CACNA2D3: variants seen among roughly 807,000 people sequenced by gnomAD.
The protein encoded by CACNA2D3 is calcium voltage-gated channel auxiliary subunit alpha2delta 3, also known as voltage-dependent calcium channel subunit alpha-2/delta-3.
Under a neutral mutation model 160.6 loss-of-function variants are expected in CACNA2D3, and 60 were observed. That is an observed-to-expected ratio of 0.37 (90% CI 0.30 to 0.46). CACNA2D3 has a LOEUF of 0.46. Ranked by LOEUF, CACNA2D3 falls within the 20% of genes least tolerant of loss-of-function variation. The probability of loss-of-function intolerance (pLI) is 1.00; values close to 1 mark genes in which losing one functional copy is unlikely to be tolerated. For missense variants in CACNA2D3, 1,205 were observed against 1,365.0 expected (o/e 0.88, Z 1.85); for synonymous variants, 558 against 492.9 (o/e 1.13, Z -1.75).
chr3:54,883,670 T>A (rs1699853946), intron 21 of CACNA2D3, among the ~76,000 whole-genome samples: 1 of 152,146 alleles, frequency 6.6e-6, no homozygotes, highest in Non-Finnish European at 1.5e-5. Flanking sequence ...TACAGTCCCT[T>A]CTCAGGGCCT....
intron 2 of CACNA2D3, among the ~76,000 whole-genome samples, chr3:54,125,767 T>C (rs573858719): frequency 2.6e-5 from 4 of 152,212 alleles, no homozygotes; most frequent in Non-Finnish European, 5.9e-5. Context: ...GTTCAGAGTA[T>C]GAATGGGAGT....
At chr3:54,461,551 A>G (rs184847447) in intron 4 of CACNA2D3, among the ~76,000 whole-genome samples, 2 of 151,560 alleles carry the variant, frequency 1.3e-5, no homozygotes, top group Admixed American at 6.6e-5. Flanking sequence ...TAGATTTTCT[A>G]GTTTATTTGC....
intron 5 of CACNA2D3, among the ~76,000 whole-genome samples, chr3:54,523,061 T>C: frequency 6.6e-6 from 1 of 152,150 alleles, no homozygotes; most frequent in East Asian, 1.9e-4. Context: ...TTTCATTGTT[T>C]TGATGGCCTT....
chr3:55,062,977 A>G (rs1377970286), intron 35 of CACNA2D3, among the ~76,000 whole-genome samples: 1 of 152,260 alleles, frequency 6.6e-6, no homozygotes, highest in Non-Finnish European at 1.5e-5. Context: ...CGCTGTGAGC[A>G]TTTAATTCCA....
At chr3:54,134,854 G>T (rs1428494146) in intron 2 of CACNA2D3, among the ~76,000 whole-genome samples, 4 of 152,238 alleles carry the variant, frequency 2.6e-5, no homozygotes, top group African/African-American at 9.6e-5. Context: ...GGGCTGAGGG[G>T]TCCAGGCGCC....
chr3:54,219,581 C>A (rs1701527458), intron 2 of CACNA2D3, among the ~76,000 whole-genome samples: 1 of 152,152 alleles, frequency 6.6e-6, no homozygotes, highest in Non-Finnish European at 1.5e-5. Context: ...GATTTTTGCT[C>A]ATTTCTACTT....
chr3:54,737,124 A>C (rs530850583), intron 11 of CACNA2D3, among the ~76,000 whole-genome samples: 2 of 152,208 alleles, frequency 1.3e-5, no homozygotes, highest in Non-Finnish European at 2.9e-5. Context: ...AGCAGTTGGG[A>C]AAACAACAGT....
intron 13 of CACNA2D3, among the ~76,000 whole-genome samples, chr3:54,794,017 A>G (rs1289599654): frequency 6.6e-6 from 1 of 152,168 alleles, no homozygotes; most frequent in East Asian, 1.9e-4. Context: ...AAAGATGTTC[A>G]TAATATTCTC....
rs146552259 is a variant in CACNA2D3 at position 54,943,557 on chromosome 3, A to G, written c.2450-24893A>G. Among the ~76,000 whole-genome samples, 462 of 152,232 alleles carry G rather than the reference A, an allele frequency of 3.0e-3. 1 individual carries two copies. Among genetic ancestry groups the G allele is most frequent in the Non-Finnish European group, 4.5e-3 (306 of 68,006 alleles). On this transcript the variant is annotated intron_variant, in intron 27 of 37. Transcript: ENST00000474759. ...TTCTCTATTATTTTAATAGCATGGTATGTGTTTTCTTTTTTATGTTATTTT... is the reference window on the plus strand; with the variant it reads ...TTCTCTATTATTTTAATAGCATGGTGTGTGTTTTCTTTTTTATGTTATTTT...
At chr3:54,967,451 A>G (rs1035309837) in intron 27 of CACNA2D3, among the ~76,000 whole-genome samples, 2 of 152,158 alleles carry the variant, frequency 1.3e-5, no homozygotes, top group African/African-American at 2.4e-5. Context: ...GAATTACTGT[A>G]GGTCTTTAAG....
chr3:54,191,747 T>C (rs1325500573), intron 2 of CACNA2D3, among the ~76,000 whole-genome samples: 1 of 152,164 alleles, frequency 6.6e-6, no homozygotes, highest in Non-Finnish European at 1.5e-5. Flanking sequence ...TAACTTCTTC[T>C]GGCCTCTCTT....
chr3:54,704,148 A>G (rs1700816079), intron 11 of CACNA2D3, among the ~76,000 whole-genome samples: 1 of 152,242 alleles, frequency 6.6e-6, no homozygotes, highest in Non-Finnish European at 1.5e-5. Context: ...AAATGACTCC[A>G]GCTGTATTGC....
intron 9 of CACNA2D3, among the ~76,000 whole-genome samples, chr3:54,621,436 T>G (rs1041731032): frequency 6.6e-6 from 1 of 152,202 alleles, no homozygotes; most frequent in Non-Finnish European, 1.5e-5. Context: ...TCCCCAGGCA[T>G]TAAGCTGCAC....
intron 13 of CACNA2D3, among the ~76,000 whole-genome samples, chr3:54,800,450 C>G (rs1017985683): frequency 6.6e-6 from 1 of 152,190 alleles, no homozygotes; most frequent in African/African-American, 2.4e-5. Flanking sequence ...GATGATCACC[C>G]ACAATAAGGC....
intron 4 of CACNA2D3, among the ~76,000 whole-genome samples, chr3:54,459,193 C>A (rs1700454110): frequency 6.6e-6 from 1 of 152,036 alleles, no homozygotes; most frequent in Admixed American, 6.6e-5. Context: ...TGGGTTGGTT[C>A]CAAGTCTTTG....
At chr3:54,149,930 T>TCTCTCTCTCTCTCTCTCTCTCTCTCTCC (rs1559863338) in intron 2 of CACNA2D3, among the ~76,000 whole-genome samples, 1 of 40,428 alleles carries the variant, frequency 2.5e-5, no homozygotes. Flanking sequence ...TCTCTCTCTC[T>TCTCTCTCTCTCTCTCTCTCTCTCTCTCC]CCCTCCCTCC....
chr3:54,880,913 G>T, intron 21 of CACNA2D3, 50 bp downstream of exon 21: 1 of 1,504,116 alleles, frequency 6.6e-7, no homozygotes, highest in Non-Finnish European at 9.3e-7. Context: ...AGGAAAGCTC[G>T]GGAGCTAGCT....
At chr3:54,203,737 G>C (rs775347560) in intron 2 of CACNA2D3, among the ~76,000 whole-genome samples, 63 of 152,054 alleles carry the variant, frequency 4.1e-4, no homozygotes, top group Admixed American at 2.4e-3. Flanking sequence ...GCATCTGTCG[G>C]TGTGCTGTTC....
intron 4 of CACNA2D3, among the ~76,000 whole-genome samples, chr3:54,500,145 C>T (rs1182186195): frequency 6.6e-6 from 1 of 152,100 alleles, no homozygotes; most frequent in Non-Finnish European, 1.5e-5. Context: ...TAAGTAATGC[C>T]TGCCTATCTT....
Sources: allele counts gnomAD v4.1 joint callset (sites outside exome capture counted in the v4.1 genomes callset), GRCh38; gene constraint gnomAD v4.1.1; transcripts MANE v1.5; gene names NCBI Gene and HGNC (gene_info 2026-07-23, HGNC 2026-07-21).